The following PPARGC1B variants were observed in gnomAD, a reference collection of about 807,000 sequenced individuals.
PPARGC1B encodes peroxisome proliferator-activated receptor gamma coactivator 1-beta.
A neutral mutation model predicts 101.6 loss-of-function variants in PPARGC1B; 34 were observed. The observed-to-expected ratio is 0.33, with a 90% CI of 0.25 to 0.45. PPARGC1B has a LOEUF of 0.45. Among genes scored for constraint, PPARGC1B ranks in the 20% least tolerant of loss-of-function variants. The pLI, the probability that PPARGC1B is intolerant of heterozygous loss-of-function variation, is 1.00. For missense variants in PPARGC1B, 1,234 were observed against 1,317.6 expected (o/e 0.94, Z 0.98); for synonymous variants, 548 against 539.3 (o/e 1.02, Z -0.22).
intron 1 of PPARGC1B, among the ~76,000 whole-genome samples, chr5:149,768,662 C>G (rs963791822): frequency 2.4e-5 from 3 of 124,654 alleles, no homozygotes; most frequent in African/African-American, 5.1e-5. Flanking sequence ...ACTACAGGCG[C>G]CCACCACCAT....
chr5:149,754,631 T>C (rs1755437719), intron 1 of PPARGC1B, among the ~76,000 whole-genome samples: 3 of 152,100 alleles, frequency 2.0e-5, no homozygotes, highest in African/African-American at 7.2e-5. Context: ...GTTAAACAGG[T>C]AGGCAGAGTG....
At chr5:149,769,561 G>T (rs1436920170) in intron 1 of PPARGC1B, among the ~76,000 whole-genome samples, 1 of 152,160 alleles carries the variant, frequency 6.6e-6, no homozygotes, top group Non-Finnish European at 1.5e-5. Context: ...TCCTCTCTGG[G>T]CTTCAGGTTT....
chr5:149,749,371 A>T (rs1459900081), intron 1 of PPARGC1B, among the ~76,000 whole-genome samples: 1 of 152,212 alleles, frequency 6.6e-6, no homozygotes, highest in African/African-American at 2.4e-5. Flanking sequence ...CGCTGAGGTC[A>T]CTGTTGTAGG....
intron 1 of PPARGC1B, chr5:149,818,967 C>A: frequency 2.3e-6 from 1 of 434,964 alleles, no homozygotes; most frequent in Non-Finnish European, 4.6e-6. Context: ...CAGAACATCA[C>A]CAAGCCATTC....
At chr5:149,755,599 T>C (rs1045037509) in intron 1 of PPARGC1B, among the ~76,000 whole-genome samples, 5 of 89,196 alleles carry the variant, frequency 5.6e-5, no homozygotes, top group African/African-American at 1.3e-4. Flanking sequence ...TTGTTGTTGT[T>C]ATTATTATTA....
At chr5:149,786,974 G>T (rs765147397) in intron 1 of PPARGC1B, among the ~76,000 whole-genome samples, 37 of 152,108 alleles carry the variant, frequency 2.4e-4, no homozygotes, top group Non-Finnish European at 4.7e-4. Flanking sequence ...AGTCACCCCC[G>T]CAAAAAGAAG....
At chr5:149,748,286 G>GAGATAT (rs56098088) in intron 1 of PPARGC1B, among the ~76,000 whole-genome samples, 8,725 of 148,374 alleles carry the variant, frequency 0.059, 298 homozygotes, top group African/African-American at 0.081. Flanking sequence ...ATGGGGTGAA[G>GAGATAT]AGATATAGAT....
At chr5:149,787,190 A>G (rs1004599556) in intron 1 of PPARGC1B, among the ~76,000 whole-genome samples, 7 of 152,232 alleles carry the variant, frequency 4.6e-5, no homozygotes, top group Non-Finnish European at 5.9e-5. Context: ...ATCAGCCAGT[A>G]TCCTAAGGCA....
chr5:149,842,228 G>A, intron 9 of PPARGC1B, 28 bp from the exon 10 acceptor site: 1 of 1,606,388 alleles, frequency 6.2e-7, no homozygotes, highest in Non-Finnish European at 8.5e-7. Flanking sequence ...CAATGACGGA[G>A]TCTCTCTCTG....
chr5:149,847,387 T>G, intron 11 of PPARGC1B, 71 bp from the exon 12 acceptor site: 1 of 1,184,804 alleles, frequency 8.4e-7, no homozygotes, highest in Non-Finnish European at 1.3e-6. Context: ...TGGCAGATTC[T>G]TCAACCATCC....
chr5:149,750,959 A>T (rs1288507873), intron 1 of PPARGC1B, among the ~76,000 whole-genome samples: 1 of 151,966 alleles, frequency 6.6e-6, no homozygotes, highest in African/African-American at 2.4e-5. Context: ...AATTTTGAAG[A>T]GTAAAAAAGA....
chr5:149,820,631 C>A (rs778312865), intron 2 of PPARGC1B, 25 bp downstream of exon 2: 2 of 1,590,340 alleles, frequency 1.3e-6, no homozygotes, highest in South Asian at 2.2e-5. Context: ...GTCTCCCCTC[C>A]TCCCACCCTG....
chr5:149,783,103 G>A (rs1189115854), intron 1 of PPARGC1B, among the ~76,000 whole-genome samples: 1 of 151,532 alleles, frequency 6.6e-6, no homozygotes, highest in Non-Finnish European at 1.5e-5. Context: ...GAGAGAGAGA[G>A]AGAGAGATTG....
At chr5:149,731,328 G>T (rs990127272) in intron 1 of PPARGC1B, among the ~76,000 whole-genome samples, 1 of 152,234 alleles carries the variant, frequency 6.6e-6, no homozygotes. Context: ...AGCACGAGGC[G>T]TGCGCGGCCC....
chr5:149,819,865 A>G (rs1032798986), intron 1 of PPARGC1B, among the ~76,000 whole-genome samples: 8 of 152,220 alleles, frequency 5.3e-5, no homozygotes, highest in Non-Finnish European at 1.2e-4. Context: ...TCCATCATAT[A>G]TCATATATGT....
intron 1 of PPARGC1B, among the ~76,000 whole-genome samples, chr5:149,802,095 A>G (rs1757448885): frequency 6.6e-6 from 1 of 152,092 alleles, no homozygotes; most frequent in African/African-American, 2.4e-5. Context: ...CCTCTGGATA[A>G]GTGTTCTCCA....
At chr5:149,750,453 AATATATATATAT>A (rs55971526) in intron 1 of PPARGC1B, among the ~76,000 whole-genome samples, 18,667 of 123,080 alleles carry the variant, frequency 0.15, 1,915 homozygotes, top group Admixed American at 0.28. Context: ...TTTTAGTTAA[AATATATATATAT>A]ATATATATAT....
chr5:149,778,863 C>T (rs1756491311), intron 1 of PPARGC1B, among the ~76,000 whole-genome samples: 1 of 152,140 alleles, frequency 6.6e-6, no homozygotes, highest in South Asian at 2.1e-4. Context: ...TAAAACCATC[C>T]TCTTTTTTCC....
At chr5:149,743,381 C>T (rs376124303) in intron 1 of PPARGC1B, among the ~76,000 whole-genome samples, 2 of 152,042 alleles carry the variant, frequency 1.3e-5, no homozygotes, top group Admixed American at 6.6e-5. Flanking sequence ...GTCTCGAACT[C>T]GTGACCTCAG....
Sources: allele counts gnomAD v4.1 joint callset (sites outside exome capture counted in the v4.1 genomes callset), GRCh38; gene constraint gnomAD v4.1.1; transcripts MANE v1.5; gene names NCBI Gene and HGNC (gene_info 2026-07-23, HGNC 2026-07-21).